Variants in CCDC146 observed in about 807,000 individuals in gnomAD.
CCDC146 encodes coiled-coil domain-containing protein 146.
In CCDC146, 92 loss-of-function variants were observed where a neutral mutation model predicts 119.3. The observed-to-expected ratio is 0.77, with a 90% CI of 0.65 to 0.92. The LOEUF (loss-of-function observed/expected upper bound fraction) is 0.92, where lower values mean the gene tolerates loss of function less well. Among genes scored for constraint, CCDC146 ranks in the 40% least tolerant of loss-of-function variants. CCDC146 has a pLI of 0.00. For missense variants in CCDC146, 1,000 were observed against 1,103.0 expected (o/e 0.91, Z 1.32); for synonymous variants, 372 against 371.8 (o/e 1.00, Z -0.01).
chr7:77,199,423 T>A lies in CCDC146; in HGVS notation c.156+31599T>A, dbSNP rs765321540. 13 of 1,613,990 alleles carry A rather than the reference T, an allele frequency of 8.1e-6. No homozygotes were observed. In the South Asian group the frequency reaches 1.4e-4, roughly 18 times the overall value. ...TTCTCTAACTCTGTTATCACCAACCTCTCCCGGGGCTCCTGTACTGGGTAA... is the reference window on the plus strand; with the variant it reads ...TTCTCTAACTCTGTTATCACCAACCACTCCCGGGGCTCCTGTACTGGGTAA... On this transcript the variant is annotated intron_variant, in intron 2 of 18. Transcript: ENST00000285871.
chr7:77,133,105 A>T (rs927738142), intron 1 of CCDC146, among the ~76,000 whole-genome samples: 1 of 151,892 alleles, frequency 6.6e-6, no homozygotes, highest in Admixed American at 6.6e-5. Context: ...CAGGAGGCAG[A>T]GGTTGCGGTG....
chr7:77,266,704 C>G (rs1709710853), intron 9 of CCDC146, among the ~76,000 whole-genome samples: 1 of 148,844 alleles, frequency 6.7e-6, no homozygotes. Flanking sequence ...TCTGCATTAC[C>G]TAAATGACTG....
chr7:77,200,959 C>T (rs1363829163), intron 2 of CCDC146, among the ~76,000 whole-genome samples: 1 of 152,128 alleles, frequency 6.6e-6, no homozygotes, highest in Admixed American at 6.6e-5. Flanking sequence ...TTACTTAAAA[C>T]ACTCTGTAGC....
At chr7:77,157,938 T>C (rs1314276379) in intron 1 of CCDC146, among the ~76,000 whole-genome samples, 1 of 152,198 alleles carries the variant, frequency 6.6e-6, no homozygotes, top group African/African-American at 2.4e-5. Context: ...CTCCTACCCA[T>C]AGCACAGTGG....
At chr7:77,182,179 A>C (rs1004242302) in intron 2 of CCDC146, among the ~76,000 whole-genome samples, 1 of 152,172 alleles carries the variant, frequency 6.6e-6, no homozygotes, top group Non-Finnish European at 1.5e-5. Context: ...GCTGTCTATA[A>C]AGGCTACAAC....
intron 1 of CCDC146, among the ~76,000 whole-genome samples, chr7:77,147,020 C>T (rs1184961008): frequency 1.3e-5 from 2 of 152,154 alleles, no homozygotes; most frequent in Admixed American, 1.3e-4. Context: ...AACTTGGTTC[C>T]ATTCTCCCCG....
chr7:77,198,046 A>C, intron 2 of CCDC146: 1 of 809,240 alleles, frequency 1.2e-6, no homozygotes, highest in Non-Finnish European at 1.5e-6. Context: ...TGTTTAGGAG[A>C]AAAATAGACA....
chr7:77,228,655 A>T (rs2150472467), intron 2 of CCDC146, among the ~76,000 whole-genome samples: 1 of 152,346 alleles, frequency 6.6e-6, no homozygotes, highest in Admixed American at 6.5e-5. Flanking sequence ...AATAATTTAT[A>T]TTCCTTTGGG....
Position 77,293,203 on chromosome 7 carries a change from A to G in CCDC146, c.2664+3A>G. 6.2e-7 allele frequency: 1 copy of G among 1,613,528 alleles called. No individual in the cohort carries two copies. The highest frequency in any genetic ancestry group is 8.5e-7 in the Non-Finnish European group (1 of 1,179,922). On this transcript the variant is annotated splice_donor_region_variant and intron_variant, in intron 18 of 18. Transcript: ENST00000285871. The stretch of plus-strand genomic sequence containing the variant: ...TGGCCATCGCTGAAAAGTCTCAGGT[A>G]GGCTTTGGCTCCTGTATTGCATTTC...
chr7:77,141,209 G>T lies in CCDC146; in HGVS notation c.-12+18477G>T, dbSNP rs1173682385. Among the ~76,000 whole-genome samples, 3 of 152,078 alleles carry T rather than the reference G, an allele frequency of 2.0e-5. No homozygotes were observed. In the East Asian group the frequency reaches 5.8e-4, roughly 29 times the overall value. On this transcript the variant is annotated intron_variant, in intron 1 of 18. Transcript: ENST00000285871. Reference sequence around the variant, plus strand: ...ACTGTGTTAGTTTCCTGAGAATGATGGTTTCCAGCTTCATCCATGTCCCTG... The same window carrying T: ...ACTGTGTTAGTTTCCTGAGAATGATTGTTTCCAGCTTCATCCATGTCCCTG...
At chr7:77,146,823 C>A (rs995437035) in intron 1 of CCDC146, among the ~76,000 whole-genome samples, 1 of 152,208 alleles carries the variant, frequency 6.6e-6, no homozygotes, top group African/African-American at 2.4e-5. Context: ...CCCGACCTTT[C>A]TCTCTGGCTG....
At chr7:77,194,195 C>G (rs1791822998) in intron 2 of CCDC146, 1 of 151,998 alleles carries the variant, frequency 6.6e-6, no homozygotes, top group East Asian at 1.9e-4. Flanking sequence ...ATATACCTTT[C>G]TTTAGAACTA....
intron 8 of CCDC146, among the ~76,000 whole-genome samples, chr7:77,260,599 G>A (rs1793275122): frequency 6.6e-6 from 1 of 152,136 alleles, no homozygotes. Flanking sequence ...ATTTCGTGGT[G>A]TAATTCCCTA....
intron 1 of CCDC146, among the ~76,000 whole-genome samples, chr7:77,138,290 C>CAAAAA (rs59868618): frequency 5.6e-4 from 68 of 121,894 alleles, no homozygotes; most frequent in Middle Eastern, 4.4e-3. Flanking sequence ...GGGGCAGTTG[C>CAAAAA]AAAAAAAAAA....
At chr7:77,189,845 G>C (rs1192231512) in intron 2 of CCDC146, among the ~76,000 whole-genome samples, 1 of 152,106 alleles carries the variant, frequency 6.6e-6, no homozygotes, top group Admixed American at 6.6e-5. Context: ...TTAGGTCTCT[G>C]TTCAAATTTC....
chr7:77,255,978 T>G (rs1414059325), intron 5 of CCDC146, among the ~76,000 whole-genome samples: 2 of 152,222 alleles, frequency 1.3e-5, no homozygotes, highest in African/African-American at 4.8e-5. Flanking sequence ...ACAAAGCTAC[T>G]AGAAAACAGA....
At chr7:77,204,907 C>A (rs1792056057) in intron 2 of CCDC146, among the ~76,000 whole-genome samples, 1 of 152,114 alleles carries the variant, frequency 6.6e-6, no homozygotes, top group South Asian at 2.1e-4. Flanking sequence ...CCACTTGAGG[C>A]CAGAAATTCA....
chr7:77,259,823 CCCA>C, intron 7 of CCDC146, 183 bp from the exon 8 acceptor site: 1 of 538,044 alleles, frequency 1.9e-6, no homozygotes, highest in Admixed American at 3.5e-5. Flanking sequence ...CCCTCCAAGT[CCCA>C]CCCATCTGTG....
chr7:77,148,363 G>C (rs1170914031), intron 1 of CCDC146, among the ~76,000 whole-genome samples: 3 of 152,264 alleles, frequency 2.0e-5, no homozygotes, highest in Admixed American at 6.5e-5. Flanking sequence ...CTTCCTGGGT[G>C]AGGCGATGCC....
Sources: gnomAD v4.1 joint callset for allele counts (sites outside exome capture counted in the v4.1 genomes callset) on GRCh38, gnomAD v4.1.1 for gene constraint, MANE v1.5 for transcripts, NCBI Gene and HGNC (gene_info 2026-07-23, HGNC 2026-07-21) for gene names.